Variants in IFT80 observed in about 807,000 individuals in gnomAD.
IFT80 encodes intraflagellar transport 80.
Under a neutral mutation model 107.9 loss-of-function variants are expected in IFT80, and 79 were observed. That is an observed-to-expected ratio of 0.73 (90% CI 0.61 to 0.88). The LOEUF is 0.88. IFT80 is among the 40% of genes least tolerant of loss of function. IFT80 has a pLI of 0.00. For missense variants in IFT80, 797 were observed against 914.2 expected (o/e 0.87, Z 1.65); for synonymous variants, 299 against 300.9 (o/e 0.99, Z 0.07).
chr3:160,356,177 T>G (rs1721076172), intron 7 of IFT80, 27 bp from the exon 8 acceptor site: 1 of 1,606,494 alleles, frequency 6.2e-7, no homozygotes, highest in African/African-American at 1.3e-5. Flanking sequence ...TAAAAATCTT[T>G]TATAATATCA....
chr3:160,390,417 C>CAAAAA (rs1289410578), intron 1 of IFT80, among the ~76,000 whole-genome samples: 8 of 108,348 alleles, frequency 7.4e-5, no homozygotes, highest in African/African-American at 2.7e-4. Context: ...AATTCCGTCT[C>CAAAAA]AAAAAAAAAA....
At chr3:160,327,802 C>G in intron 8 of IFT80, among the ~76,000 whole-genome samples, 1 of 152,052 alleles carries the variant, frequency 6.6e-6, no homozygotes, top group Non-Finnish European at 1.5e-5. Context: ...ATGAAGGTGC[C>G]AAAAGCAATT....
rs905075353 is a variant in IFT80, at chr3:160,356,189, G to A, written c.640-39C>T. On this transcript the variant is annotated intron_variant, in intron 7 of 19. Transcript: ENST00000326448. ...TTTTAAAAATCTTTTATAATATCAG[G>A]GAGAAGTTTGCAAAAACTAAAAGAA... The A allele has an allele frequency of 3.2e-6, 5 of 1,562,326 alleles. No individual in the cohort carries two copies. In the Admixed American group the frequency reaches 5.2e-5, roughly 16 times the overall value.
At chr3:160,374,089 C>T (rs1342565262) in intron 5 of IFT80, among the ~76,000 whole-genome samples, 1 of 152,018 alleles carries the variant, frequency 6.6e-6, no homozygotes, top group East Asian at 1.9e-4. Flanking sequence ...AAGGAGATAA[C>T]AGAAAAATTG....
At chr3:160,355,499 C>T (rs914630963) in intron 8 of IFT80, among the ~76,000 whole-genome samples, 5 of 152,126 alleles carry the variant, frequency 3.3e-5, no homozygotes, top group African/African-American at 1.2e-4. Flanking sequence ...AATCCTCCCT[C>T]CTTGGACTCC....
chr3:160,269,198 C>T lies in IFT80; in HGVS notation c.2100-662G>A, dbSNP rs138315724. On this transcript the variant is annotated intron_variant, in intron 18 of 19. Coordinates refer to ENST00000326448, the MANE Select transcript of IFT80 (RefSeq NM_020800.3). ...GAGCTGAGATCGCGCCACTGCATTC[C>T]GGCCTGGGTGACAGAGCGAGACTCA... Among the ~76,000 whole-genome samples the T allele has an allele frequency of 3.2e-3, 472 of 149,144 alleles. 3 individuals carry two copies. The highest frequency in any genetic ancestry group is 0.011 in the African/African-American group (430 of 40,168).
chr3:160,336,345 A>G (rs1001960730), intron 8 of IFT80, among the ~76,000 whole-genome samples: 1 of 152,244 alleles, frequency 6.6e-6, no homozygotes, highest in East Asian at 1.9e-4. Context: ...AAGTGAATCC[A>G]CAATTAGATC....
intron 5 of IFT80, among the ~76,000 whole-genome samples, chr3:160,374,847 T>C (rs777967657): frequency 1.5e-4 from 23 of 152,224 alleles, no homozygotes; most frequent in African/African-American, 2.7e-4. Flanking sequence ...CGGCTACTTC[T>C]ATGAACTCTG....
chr3:160,395,402 T>C (rs145598668), intron 1 of IFT80, among the ~76,000 whole-genome samples: 3 of 152,206 alleles, frequency 2.0e-5, no homozygotes, highest in Admixed American at 6.5e-5. Context: ...TGAAAGTTGT[T>C]TTTTCACCCT....
chr3:160,302,967 G>A (rs1454573174), intron 11 of IFT80, among the ~76,000 whole-genome samples: 1 of 152,104 alleles, frequency 6.6e-6, no homozygotes, highest in Non-Finnish European at 1.5e-5. Context: ...TGTGCTTTTA[G>A]TTTTCTCCAT....
intron 11 of IFT80, 42 bp downstream of exon 11, chr3:160,303,873 T>G: frequency 7.7e-7 from 1 of 1,301,940 alleles, no homozygotes; most frequent in Non-Finnish European, 1.1e-6. Flanking sequence ...TTAATGCTAT[T>G]TATTTTAACC....
intron 1 of IFT80, chr3:160,394,398 G>C (rs1399943365): frequency 6.6e-6 from 1 of 152,050 alleles, no homozygotes; most frequent in Non-Finnish European, 1.5e-5. Context: ...GGCTGTCCTG[G>C]GCCGCATGTG....
chr3:160,351,173 TA>T (rs1188082670), intron 8 of IFT80, among the ~76,000 whole-genome samples: 1 of 151,992 alleles, frequency 6.6e-6, no homozygotes, highest in Non-Finnish European at 1.5e-5. Context: ...TCTGTTCATT[TA>T]TACAGATATA....
chr3:160,307,762 T>C lies in IFT80; in HGVS notation c.977A>G (p.Asp326Gly). 1 of 1,574,782 alleles carries C rather than the reference T, an allele frequency of 6.4e-7. No individual in the cohort carries two copies. The highest frequency in any genetic ancestry group is 8.7e-7 in the Non-Finnish European group (1 of 1,144,296). The change falls in exon 10 of 20, where the codon GAT becomes GGT. Residue 326 changes from aspartate to glycine, a missense_variant. By Grantham distance (94) the Asp-to-Gly change is moderately conservative. Transcript: ENST00000326448. ...ACGGAATTCCAGTAAATCCACTGCA[T>C]CATTAAGAACATTACGAACCTAAAC... Reference protein sequence around the residue: ...RAMQVRNVLNDAVDLLEFRDR... With the variant: ...RAMQVRNVLNGAVDLLEFRDR...
At chr3:160,377,365 T>A in intron 4 of IFT80, 65 bp downstream of exon 4, 1 of 931,862 alleles carries the variant, frequency 1.1e-6, no homozygotes, top group Non-Finnish European at 1.8e-6. Flanking sequence ...ATGAAAATAT[T>A]CTGTTTCTTT....
chr3:160,300,989 A>C lies in IFT80; in HGVS notation c.1209T>G (p.Phe403Leu). 1 of 1,605,736 alleles carries C rather than the reference A, an allele frequency of 6.2e-7. No individual in the cohort carries two copies. Among genetic ancestry groups the C allele is most frequent in the Non-Finnish European group, 8.5e-7 (1 of 1,174,008 alleles). The change falls in exon 12 of 20, where the codon TTT (phenylalanine) becomes TTG (leucine). Residue 403 changes from phenylalanine to leucine, a missense_variant. Transcript: ENST00000326448. ...TTCCAGGAAATTTTGGAGATGAAAT[A>C]AAGCGCCCTTCATATGAATATAAAT... ...SIYLYSYEGR[F>L]ISSPKFPGMR...
At chr3:160,338,012 G>C (rs189491558) in intron 8 of IFT80, among the ~76,000 whole-genome samples, 1 of 152,096 alleles carries the variant, frequency 6.6e-6, no homozygotes, top group Admixed American at 6.5e-5. Flanking sequence ...ATGTACTTTG[G>C]ATCTTCTCTG....
rs753302259 is a variant in IFT80 at position 160,285,829 on chromosome 3, C to T, written c.1355G>A (p.Gly452Asp). 1.9e-6 allele frequency: 3 copies of T among 1,610,424 alleles called. No individual in the cohort carries two copies. The East Asian group carries it at 6.7e-5, about 36-fold the overall frequency. Residue 452 changes from glycine to aspartate, a missense_variant, in exon 13 of 20, where the codon GGT becomes GAT. Coordinates refer to ENST00000326448, the MANE Select transcript of IFT80 (RefSeq NM_020800.3). Reference sequence around the variant, plus strand: ...CTTATGAGAAAGAAACTTTCCATCACCTAACGGCTTTCCGGTTGATGCCTC... The same window carrying T: ...CTTATGAGAAAGAAACTTTCCATCATCTAACGGCTTTCCGGTTGATGCCTC... ...LFEASTGKPL[G>D]DGKFLSHKNE...
Position 160,258,483 on chromosome 3 carries a change from C to T in IFT80, c.*42G>A, listed in dbSNP as rs16831149. 104,225 of 1,611,440 alleles carry T rather than the reference C, an allele frequency of 0.065. 9,341 individuals carry two copies. Among genetic ancestry groups the T allele is most frequent in the African/African-American group, 0.44 (32,893 of 74,810 alleles). On this transcript the variant is annotated 3_prime_UTR_variant, in exon 20 of 20. Transcript: ENST00000326448. ...CATGCTTACCCTTGGTTAATCAGAA[C>T]GTGTTTCAAAAGATAAAATTTCTTA...
Sources: allele counts gnomAD v4.1 joint callset (sites outside exome capture counted in the v4.1 genomes callset), GRCh38; gene constraint gnomAD v4.1.1; transcripts MANE v1.5; gene names NCBI Gene and HGNC (gene_info 2026-07-23, HGNC 2026-07-21).